The following HEG1 variants were observed in gnomAD, a reference collection of about 807,000 sequenced individuals.
HEG1 encodes the protein heart development protein with EGF like domains 1.
HEG1 carries 56 observed loss-of-function variants against 125.6 expected under a neutral mutation model. The observed-to-expected ratio is 0.45, with a 90% CI of 0.36 to 0.56. The LOEUF (loss-of-function observed/expected upper bound fraction) is 0.56, where lower values mean the gene tolerates loss of function less well. Among genes scored for constraint, HEG1 ranks in the 20% least tolerant of loss-of-function variants. HEG1 has a pLI of 0.00. For missense variants in HEG1, 1,523 were observed against 1,670.0 expected (o/e 0.91, Z 1.53); for synonymous variants, 644 against 668.5 (o/e 0.96, Z 0.57).
intron 14 of HEG1, among the ~76,000 whole-genome samples, chr3:124,980,962 C>T (rs536924872): frequency 6.6e-6 from 1 of 152,040 alleles, no homozygotes; most frequent in African/African-American, 2.4e-5. Context: ...TCAAGCAATC[C>T]TTCTGCCTCA....
rs1220277772 is a variant in HEG1 at position 125,029,176 on chromosome 3, A to G, written c.610+19T>C. The G allele has an allele frequency of 1.2e-6, 2 of 1,605,340 alleles. No homozygotes were observed. Among genetic ancestry groups the G allele is most frequent in the African/African-American group, 1.3e-5 (1 of 74,942 alleles). On this transcript the variant is annotated intron_variant, in intron 2 of 16. Transcript: ENST00000311127. ...CTGGACACACATGCGTGAAATGCGC[A>G]TCATCAGCACAAGCTCACCTAAGTT...
Position 125,027,458 on chromosome 3 carries a change from T to G in HEG1, c.660A>C (p.Arg220Ser), listed in dbSNP as rs768166144. The change falls in exon 3 of 17, where the codon AGA (arginine) becomes AGC (serine). Residue 220 changes from arginine (R) to serine (S), a missense_variant. By Grantham distance (110) the Arg-to-Ser change is moderately radical (BLOSUM62 -1). Transcript: ENST00000311127. Reference protein sequence around the residue: ...LPSSSSEFDERIAAFQTKSGT... With the variant: ...LPSSSSEFDESIAAFQTKSGT... ...CACTCTTTGTTTGAAAAGCGGCAAT[T>G]CTTTCATCGAACTCTGAACTGCTGG... 1 of 1,613,584 alleles carries G rather than the reference T, an allele frequency of 6.2e-7. No individual in the cohort carries two copies. The highest frequency in any genetic ancestry group is 8.5e-7 in the Non-Finnish European group (1 of 1,179,748).
intron 9 of HEG1, among the ~76,000 whole-genome samples, chr3:125,003,563 T>C (rs762285266): frequency 6.6e-6 from 1 of 152,164 alleles, no homozygotes; most frequent in Non-Finnish European, 1.5e-5. Context: ...AATAAAAACT[T>C]CTTTGTTTAC....
chr3:125,009,676 T>C (rs1372496185), intron 8 of HEG1, 29 bp downstream of exon 8: 2 of 1,591,162 alleles, frequency 1.3e-6, no homozygotes, highest in Admixed American at 3.5e-5. Context: ...TGGTACGGAA[T>C]AAAGTCCGAA....
At chr3:125,014,770 C>T (rs770035167) in intron 5 of HEG1, 17 of 1,289,252 alleles carry the variant, frequency 1.3e-5, no homozygotes, top group African/African-American at 3.0e-5. Context: ...TCGTCCGTCA[C>T]GTTTACGTGC....
At chr3:125,035,629 T>C (rs193092875) in intron 1 of HEG1, among the ~76,000 whole-genome samples, 22 of 152,270 alleles carry the variant, frequency 1.4e-4, no homozygotes, top group African/African-American at 4.1e-4. Flanking sequence ...CAACCATTTC[T>C]ACTACAGTAA....
intron 1 of HEG1, among the ~76,000 whole-genome samples, chr3:125,042,090 T>C (rs1265891705): frequency 6.6e-6 from 1 of 152,226 alleles, no homozygotes; most frequent in Non-Finnish European, 1.5e-5. Flanking sequence ...ATGGTTAAAA[T>C]GGTAAATTTT....
chr3:125,015,584 A>C (rs1296796936), intron 5 of HEG1, among the ~76,000 whole-genome samples: 1 of 152,162 alleles, frequency 6.6e-6, no homozygotes, highest in African/African-American at 2.4e-5. Flanking sequence ...GTTTTATTCT[A>C]TTGATGGGGA....
intron 1 of HEG1, among the ~76,000 whole-genome samples, chr3:125,031,911 CAT>C (rs1301762790): frequency 6.6e-6 from 1 of 152,140 alleles, no homozygotes; most frequent in African/African-American, 2.4e-5. Flanking sequence ...ACACAATCCA[CAT>C]GTGTACACTT....
chr3:125,055,530 C>T, intron 1 of HEG1, 45 bp downstream of exon 1: 1 of 1,159,576 alleles, frequency 8.6e-7, no homozygotes, highest in Non-Finnish European at 1.1e-6. Flanking sequence ...CGCCCACGCC[C>T]CCAGCACAGA....
chr3:125,049,782 T>C (rs1472404792), intron 1 of HEG1, among the ~76,000 whole-genome samples: 1 of 152,160 alleles, frequency 6.6e-6, no homozygotes, highest in South Asian at 2.1e-4. Flanking sequence ...AGCATTCCAG[T>C]GTCTCTTAAA....
rs191037771 is a variant in HEG1, at chr3:125,011,947, G to A, written c.2956+676C>T. On this transcript the variant is annotated intron_variant, in intron 6 of 16. Coordinates refer to ENST00000311127, the MANE Select transcript of HEG1 (RefSeq NM_020733.2). Reference sequence around the variant, plus strand: ...CTTTCCTGGTACCAGCAACTTCAACGTGGCTACAAAAACAACCCTAAGTGT... The same window carrying A: ...CTTTCCTGGTACCAGCAACTTCAACATGGCTACAAAAACAACCCTAAGTGT... Among the ~76,000 whole-genome samples, 143 of 152,244 alleles carry A rather than the reference G, an allele frequency of 9.4e-4. 1 individual carries two copies. Among genetic ancestry groups the A allele is most frequent in the African/African-American group, 3.2e-3 (133 of 41,528 alleles).
At position 125,055,987 on chromosome 3, in the gene HEG1, G is replaced by T; in HGVS notation, c.-97C>A. On this transcript the variant is annotated 5_prime_UTR_variant, in exon 1 of 17. Coordinates refer to ENST00000311127, the MANE Select transcript of HEG1 (RefSeq NM_020733.2). ...GCGGGGGCCGCGCGGGGCCGGGGAAGTGAGCGGAGTGAGGCTGCGAGCGCG... is the reference window on the plus strand; with the variant it reads ...GCGGGGGCCGCGCGGGGCCGGGGAATTGAGCGGAGTGAGGCTGCGAGCGCG... 1.7e-6 allele frequency: 1 copy of T among 589,826 alleles called. No individual in the cohort carries two copies. Among genetic ancestry groups the T allele is most frequent in the Non-Finnish European group, 2.1e-6 (1 of 469,110 alleles). The allele number at this position is 589,826 out of a possible 1,614,324, so 36.5% of individuals were successfully genotyped here. A position where few individuals can be genotyped will look rare whatever the true frequency, so the allele number is the denominator to read the frequency against.
At chr3:125,036,655 C>T (rs1026734140) in intron 1 of HEG1, among the ~76,000 whole-genome samples, 2 of 152,156 alleles carry the variant, frequency 1.3e-5, no homozygotes. Flanking sequence ...AGACAAAGAA[C>T]ATGAATGTGC....
chr3:125,021,125 C>T lies in HEG1; in HGVS notation c.919G>A (p.Glu307Lys), dbSNP rs999107122. The change falls in exon 4 of 17, where the codon GAA becomes AAA. Residue 307 changes from glutamate to lysine, a missense_variant. By Grantham distance (56) the Glu-to-Lys change is moderately conservative. Transcript: ENST00000311127. ...GAGTTGTTAAGCTTCTCTGTACTTT[C>T]AGAAGCTACAATGGAAAAAGATATG... Reference protein sequence around the residue: ...SPLLDLSSSSESTEKLNNSTG... With the variant: ...SPLLDLSSSSKSTEKLNNSTG... 20 of 1,553,342 alleles carry T rather than the reference C, an allele frequency of 1.3e-5. No individual in the cohort carries two copies. The highest frequency in any genetic ancestry group is 8.2e-5 in the African/African-American group (6 of 73,458).
intron 14 of HEG1, among the ~76,000 whole-genome samples, chr3:124,983,587 G>A (rs970518747): frequency 1.1e-4 from 17 of 151,090 alleles, no homozygotes; most frequent in African/African-American, 3.6e-4. Context: ...CTCCCGCCTC[G>A]GCCTCCTAAA....
chr3:125,050,641 A>G lies in HEG1; in HGVS notation c.316+4934T>C, dbSNP rs1051797368. Among the ~76,000 whole-genome samples, 5 of 152,150 alleles carry G rather than the reference A, an allele frequency of 3.3e-5. No homozygotes were observed. The East Asian group carries it at 9.6e-4, about 29-fold the overall frequency. ...GCATTTCTTCAGTTGTGAATCACTC[A>G]TGCATCGTTATTTCGCTTTTTACAA... On this transcript the variant is annotated intron_variant, in intron 1 of 16. Coordinates refer to ENST00000311127, the MANE Select transcript of HEG1 (RefSeq NM_020733.2).
chr3:125,042,993 C>A (rs1937607657), intron 1 of HEG1, among the ~76,000 whole-genome samples: 1 of 152,254 alleles, frequency 6.6e-6, no homozygotes, highest in African/African-American at 2.4e-5. Flanking sequence ...AGCCCTCGAT[C>A]TGGACTGTCC....
At chr3:125,012,376 A>G (rs1191735996) in intron 6 of HEG1, among the ~76,000 whole-genome samples, 2 of 152,248 alleles carry the variant, frequency 1.3e-5, no homozygotes, top group Non-Finnish European at 1.5e-5. Flanking sequence ...AATGTGACAC[A>G]TGGCCAATGC....
Sources: gnomAD v4.1 joint callset for allele counts (sites outside exome capture counted in the v4.1 genomes callset) on GRCh38, gnomAD v4.1.1 for gene constraint, MANE v1.5 for transcripts, NCBI Gene and HGNC (gene_info 2026-07-23, HGNC 2026-07-21) for gene names.